Variants in LPO observed in about 807,000 individuals in gnomAD.
LPO encodes lactoperoxidase, also known as salivary peroxidase.
Under a neutral mutation model 68.4 loss-of-function variants are expected in LPO, and 70 were observed. The ratio of observed to expected loss-of-function variants is 1.02; its 90% CI spans 0.84 to 1.25. The LOEUF (loss-of-function observed/expected upper bound fraction) is 1.25, where lower values mean the gene tolerates loss of function less well. Ranked by LOEUF, LPO falls within the 50% of genes most tolerant of loss-of-function variation. The pLI is 0.00. For missense variants in LPO, 873 were observed against 908.4 expected (o/e 0.96, Z 0.50); for synonymous variants, 360 against 357.6 (o/e 1.01, Z -0.08).
chr17:58,249,313 C>T (rs950222218), intron 5 of LPO, 136 bp downstream of exon 5: 10 of 892,604 alleles, frequency 1.1e-5, no homozygotes, highest in Middle Eastern at 6.8e-4. Context: ...ACCTTCCCCA[C>T]CTTCTCAAGA....
chr17:58,249,798 AG>A, intron 6 of LPO, 103 bp downstream of exon 6: 1 of 1,413,534 alleles, frequency 7.1e-7, no homozygotes, highest in Admixed American at 2.9e-5. Flanking sequence ...TGGGGGCAGC[AG>A]GGGTGCGCGA....
chr17:58,266,093 A>T, intron 10 of LPO, 60 bp from the exon 11 acceptor site: 1 of 1,532,684 alleles, frequency 6.5e-7, no homozygotes, highest in Non-Finnish European at 8.9e-7. Flanking sequence ...GAGGCAAGCC[A>T]TGAATGATGT....
At chr17:58,251,540 T>G in intron 7 of LPO, 1 of 223,596 alleles carries the variant, frequency 4.5e-6, no homozygotes, top group Non-Finnish European at 9.1e-6. Context: ...ATGCATCTTT[T>G]CTTATTATTC....
chr17:58,253,622 C>T (rs1264720365), intron 8 of LPO, among the ~76,000 whole-genome samples: 2 of 152,190 alleles, frequency 1.3e-5, no homozygotes, highest in Non-Finnish European at 2.9e-5. Flanking sequence ...CCATCCCACC[C>T]TCAAACATCC....
chr17:58,264,644 G>T, intron 9 of LPO, 78 bp from the exon 10 acceptor site: 1 of 1,500,098 alleles, frequency 6.7e-7, no homozygotes, highest in Non-Finnish European at 9.2e-7. Context: ...ACTCTTGGCT[G>T]CAGCTCTTTC....
In LPO at chr17:58,266,376, T is replaced by C. The variant is rs1598034883; in HGVS notation, c.1693+50T>C. On this transcript the variant is annotated intron_variant, in intron 11 of 12. Coordinates refer to ENST00000262290, the MANE Select transcript of LPO (RefSeq NM_006151.3). ...ACTGGGGAAATTTTAGCTAACTTTC[T>C]AGGGCTCCTGGAGACTCTCTTCTAT... 1.0e-5 allele frequency: 16 copies of C among 1,581,852 alleles called. No individual in the cohort carries two copies. The East Asian group carries it at 3.6e-4, about 35-fold the overall frequency.
In LPO at chr17:58,249,667, A is replaced by G. The variant is rs1969920491; in HGVS notation, c.545A>G (p.Lys182Arg). ...LSLPFGWTPG[K>R]TRNGFPLPLA... is the part of the protein sequence containing the mutation. ...CTGCCCTTCGGCTGGACGCCGGGGAAGACGCGCAACGGCTTCCCTCTCCCG... is the reference window on the plus strand; with the variant it reads ...CTGCCCTTCGGCTGGACGCCGGGGAGGACGCGCAACGGCTTCCCTCTCCCG... Residue 182 changes from lysine to arginine, a missense_variant, in exon 6 of 13, where the codon AAG (lysine) becomes AGG (arginine). By Grantham distance (26) the Lys-to-Arg change is conservative (BLOSUM62 2). Transcript: ENST00000262290. 6.3e-7 allele frequency: 1 copy of G among 1,584,104 alleles called. No individual in the cohort carries two copies. The highest frequency in any genetic ancestry group is 1.1e-5 in the South Asian group (1 of 88,498).
rs1160589133 is a variant in LPO at position 58,252,090 on chromosome 17, G to C, written c.781-92G>C. On this transcript the variant is annotated intron_variant, in intron 7 of 12. Coordinates refer to ENST00000262290, the MANE Select transcript of LPO (RefSeq NM_006151.3). The stretch of plus-strand genomic sequence containing the variant: ...CCAGGGTCCTAGGAGGGTGCCATCA[G>C]CATCTTTGCATCCAGACTTGCCCTG... The C allele has an allele frequency of 6.7e-6, 8 of 1,186,494 alleles. No homozygotes were observed. In the East Asian group the frequency reaches 9.4e-5, roughly 14 times the overall value. The allele number at this position is 1,186,494 out of a possible 1,614,324, so 73.5% of individuals were successfully genotyped here. A position where few individuals can be genotyped will look rare whatever the true frequency, so the allele number is the denominator to read the frequency against.
intron 11 of LPO, 128 bp downstream of exon 11, chr17:58,266,454 T>A (rs1259237693): frequency 8.8e-7 from 1 of 1,130,798 alleles, no homozygotes; most frequent in Non-Finnish European, 1.2e-6. Context: ...TCAGGCCAGT[T>A]TTTTTTGTTT....
chr17:58,245,529 C>T (rs1969837048), intron 3 of LPO, among the ~76,000 whole-genome samples: 1 of 152,124 alleles, frequency 6.6e-6, no homozygotes, highest in South Asian at 2.1e-4. Flanking sequence ...TGTCTTGGGG[C>T]AGGTCCCTTT....
intron 3 of LPO, 21 bp downstream of exon 3, chr17:58,244,102 C>A (rs1457936753): frequency 8.1e-7 from 1 of 1,229,270 alleles, no homozygotes; most frequent in South Asian, 1.4e-5. Context: ...CACACACACA[C>A]ACACACACAC....
At chr17:58,249,529 G>A (rs374186057) in intron 5 of LPO, 37 bp from the exon 6 acceptor site, 488 of 1,593,728 alleles carry the variant, frequency 3.1e-4, no homozygotes, top group Non-Finnish European at 4.0e-4. Context: ...CCCGGAGCCG[G>A]CCTGCCGAAG....
At position 58,252,400 on chromosome 17, in the gene LPO, C is replaced by T. The variant is rs148532371; in HGVS notation, c.999C>T (p.Asn333=). The change falls in exon 8 of 13, where the codon AAC becomes AAT. Residue 333 remains asparagine, a synonymous_variant. Transcript: ENST00000262290. ...LSSPLGLMAV[N]QEVSDHGLPY... ...GCCCCCTGGGCCTCATGGCTGTCAA[C>T]CAGGAGGTCTCAGACCATGGACTAC... 8.7e-6 allele frequency: 14 copies of T among 1,614,158 alleles called. No homozygotes were observed. In the African/African-American group the frequency reaches 9.3e-5, roughly 11 times the overall value.
rs1389783442 is a variant in LPO, at chr17:58,250,472, CA to C, written c.635del (p.Asn212ThrfsTer89). The C allele has an allele frequency of 1.2e-6, 2 of 1,613,996 alleles. No individual in the cohort carries two copies. Among genetic ancestry groups the C allele is most frequent in the African/African-American group, 1.3e-5 (1 of 74,880 alleles). On this transcript the variant is annotated frameshift_variant, in exon 7 of 13. Coordinates refer to ENST00000262290, the MANE Select transcript of LPO (RefSeq NM_006151.3). LOFTEE classifies it high-confidence loss of function. ...TCTGAATGAGGAGGGTGTTCTGGAC[CA>C]AAACAGGTCCCTGCTCTTCATGCAG... is the stretch of plus-strand genomic sequence containing the variant. ...GYLNEEGVLD[Q>X]NRSLLFMQWG... is the part of the protein sequence containing the mutation.
At chr17:58,249,391 CG>C in intron 5 of LPO, 174 bp from the exon 6 acceptor site, 2 of 1,071,446 alleles carry the variant, frequency 1.9e-6, no homozygotes, top group Non-Finnish European at 2.6e-6. Flanking sequence ...TTCCCCGGGG[CG>C]GGGGAGCCCC....
chr17:58,249,573 C>A lies in LPO; in HGVS notation c.451C>A (p.Pro151Thr), dbSNP rs1969917722. The change falls in exon 6 of 13, where the codon CCT becomes ACT. Residue 151 changes from proline to threonine, a missense_variant. Coordinates refer to ENST00000262290, the MANE Select transcript of LPO (RefSeq NM_006151.3). ...ITGDCNNRRK[P>T]ALGAANRALA... is the part of the protein sequence containing the mutation. Reference sequence around the variant, plus strand: ...GGATCGTGCTGGTTTCAGGAGGAAGCCTGCGCTGGGCGCCGCCAACAGGGC... The same window carrying A: ...GGATCGTGCTGGTTTCAGGAGGAAGACTGCGCTGGGCGCCGCCAACAGGGC... 1.9e-6 allele frequency: 3 copies of A among 1,603,888 alleles called. No individual in the cohort carries two copies. The highest frequency in any genetic ancestry group is 2.2e-5 in the East Asian group (1 of 44,734).
chr17:58,258,707 T>C (rs992296284), intron 9 of LPO, among the ~76,000 whole-genome samples: 1 of 152,254 alleles, frequency 6.6e-6, no homozygotes, highest in Non-Finnish European at 1.5e-5. Context: ...CAGCAATGTA[T>C]GCATGATCCA....
Position 58,242,871 on chromosome 17 carries a change from A to G in LPO, c.-2-107A>G, listed in dbSNP as rs955573201. 1.6e-5 allele frequency: 14 copies of G among 858,262 alleles called. No homozygotes were observed. In the African/African-American group the frequency reaches 1.8e-4, roughly 11 times the overall value. 53.2% of individuals were successfully genotyped at this position (858,262 alleles called of 1,614,324 possible). On this transcript the variant is annotated intron_variant, in intron 1 of 12. Transcript: ENST00000262290. The stretch of plus-strand genomic sequence containing the variant: ...ATGTGGTTTCTCCTTTCCTGTTCCA[A>G]TATTAGGGTGTCTGGTGCTCCTTTG...
chr17:58,253,022 CAAAAAAAAA>C (rs765890765), intron 8 of LPO, among the ~76,000 whole-genome samples: 52 of 31,102 alleles, frequency 1.7e-3, no homozygotes, highest in East Asian at 8.8e-3. Context: ...GACTCCATCT[CAAAAAAAAA>C]AAAAAAAAAA....
Sources: gnomAD v4.1 joint callset for allele counts (sites outside exome capture counted in the v4.1 genomes callset) on GRCh38, gnomAD v4.1.1 for gene constraint, MANE v1.5 for transcripts, NCBI Gene and HGNC (gene_info 2026-07-23, HGNC 2026-07-21) for gene names.